Variants in ADGRB1 observed in about 807,000 individuals in gnomAD.
ADGRB1 encodes adhesion G protein-coupled receptor B1.
A neutral mutation model predicts 175.7 loss-of-function variants in ADGRB1; 36 were observed. The observed-to-expected ratio is 0.20, with a 90% CI of 0.16 to 0.27. The LOEUF (loss-of-function observed/expected upper bound fraction) is 0.27. ADGRB1 is among the 10% of genes least tolerant of loss of function. The pLI, the probability that ADGRB1 is intolerant of heterozygous loss-of-function variation, is 1.00. For missense variants in ADGRB1, 1,731 were observed against 2,255.3 expected (o/e 0.77, Z 4.71); for synonymous variants, 1,054 against 979.4 (o/e 1.08, Z -1.42).
At chr8:142,480,850 C>T (rs547935319) in intron 9 of ADGRB1, among the ~76,000 whole-genome samples, 1 of 152,334 alleles carries the variant, frequency 6.6e-6, no homozygotes, top group South Asian at 2.1e-4. Flanking sequence ...CCCCATGTCT[C>T]TGGGCCAGGC....
At position 142,524,806 on chromosome 8, in the gene ADGRB1, G is replaced by GGAGGAAGGCAA. The variant is rs1844077847; in HGVS notation, c.3312+505_3312+515dup. Among the ~76,000 whole-genome samples the GGAGGAAGGCAA allele has an allele frequency of 1.3e-5, 2 of 152,098 alleles. 1 individual carries two copies. Among genetic ancestry groups the GGAGGAAGGCAA allele is most frequent in the South Asian group, 4.1e-4 (2 of 4,826 alleles). On this transcript the variant is annotated intron_variant, in intron 23 of 30. Coordinates refer to ENST00000517894, the MANE Select transcript of ADGRB1 (RefSeq NM_001702.3). ...TCCCGCTCTCCTCCCACCTTAGTGT[G>GGAGGAAGGCAA]GAGGAAGGCAAGACTGTGGCAGGTG...
At chr8:142,539,571 G>T in intron 27 of ADGRB1, 158 bp downstream of exon 27, 2 of 908,756 alleles carry the variant, frequency 2.2e-6, no homozygotes, top group Non-Finnish European at 3.4e-6. Flanking sequence ...TGGACCCAGG[G>T]GACCTGCCCT....
In ADGRB1 at chr8:142,543,332, T is replaced by C. The variant is rs937759400; in HGVS notation, c.4414-71T>C. On this transcript the variant is annotated intron_variant, in intron 28 of 30. Transcript: ENST00000517894. This position sits in a 1 kb window ranked among gnomAD's most constrained non-coding sequence, Gnocchi z 4.4. ...GCGAGTGAGTCCCTGATGCCCTCAG[T>C]CTGAGGCAGGGAGAGGCGTGGACTT... 14 of 1,587,766 alleles carry C rather than the reference T, an allele frequency of 8.8e-6. No homozygotes were observed. Among genetic ancestry groups the C allele is most frequent in the Non-Finnish European group, 1.2e-5 (14 of 1,161,888 alleles).
At chr8:142,460,654 C>T (rs80052749) in intron 1 of ADGRB1, among the ~76,000 whole-genome samples, 12 of 152,280 alleles carry the variant, frequency 7.9e-5, no homozygotes, top group East Asian at 5.8e-4. Context: ...GACAGTCTGC[C>T]GAGGCCCCAG....
At chr8:142,460,462 G>A (rs990602738) in intron 1 of ADGRB1, among the ~76,000 whole-genome samples, 12 of 152,238 alleles carry the variant, frequency 7.9e-5, no homozygotes, top group Admixed American at 2.0e-4. Context: ...AGGCCTGGGC[G>A]GGGAGCAGCT....
chr8:142,458,096 G>A (rs1387990620), intron 1 of ADGRB1, among the ~76,000 whole-genome samples: 1 of 152,186 alleles, frequency 6.6e-6, no homozygotes, highest in East Asian at 1.9e-4. Flanking sequence ...CTGGTGTCTG[G>A]GGATGCCATT....
In ADGRB1 at chr8:142,542,693, G is replaced by GCTGCAGCAGCTGGGTCACCC. The variant is rs753974135; in HGVS notation, c.4413+51_4413+70dup. On this transcript the variant is annotated intron_variant, in intron 28 of 30. Coordinates refer to ENST00000517894, the MANE Select transcript of ADGRB1 (RefSeq NM_001702.3). The surrounding 1 kb of genome is among the most constrained non-coding windows in gnomAD (Gnocchi z 6.3). ...CCACACCCCAGCCAGCGAGGGCAGGGCTGCAGCAGCTGGGTCACCCCTGCT... is the reference window on the plus strand; with the variant it reads ...CCACACCCCAGCCAGCGAGGGCAGGGCTGCAGCAGCTGGGTCACCCCTGCAGCAGCTGGGTCACCCCTGCT... 2.8e-4 allele frequency: 413 copies of GCTGCAGCAGCTGGGTCACCC among 1,482,140 alleles called. 2 individuals are homozygous for GCTGCAGCAGCTGGGTCACCC. The African/African-American group carries it at 5.2e-3, about 19-fold the overall frequency. The allele number at this position is 1,482,140 out of a possible 1,614,324, so 91.8% of individuals were successfully genotyped here.
rs527388589 is a variant in ADGRB1 at position 142,528,215 on chromosome 8, A to G, written c.3398+1588A>G. ...CCCAGGTCAGCTCCCTCGCAGACAC[A>G]CGGAAAGGGGACTGGAAGGCGCAGC... On this transcript the variant is annotated intron_variant, in intron 24 of 30. Transcript: ENST00000517894. Among the ~76,000 whole-genome samples the G allele has an allele frequency of 5.3e-5, 8 of 152,332 alleles. No individual in the cohort carries two copies. The South Asian group carries it at 1.7e-3, about 32-fold the overall frequency.
chr8:142,481,774 G>T, intron 11 of ADGRB1, 63 bp downstream of exon 11: 10 of 1,385,292 alleles, frequency 7.2e-6, no homozygotes, highest in African/African-American at 1.4e-5. Context: ...AGCCCTCCTC[G>T]ACCTTAGAGA....
chr8:142,523,681 C>T (rs1425553605), intron 22 of ADGRB1, among the ~76,000 whole-genome samples: 1 of 150,162 alleles, frequency 6.7e-6, no homozygotes, highest in East Asian at 2.0e-4. Context: ...AGGTAGGCTG[C>T]TCAGGGTAGA....
intron 17 of ADGRB1, among the ~76,000 whole-genome samples, chr8:142,498,056 T>TC (rs1175893113): frequency 1.3e-5 from 2 of 151,974 alleles, no homozygotes; most frequent in Non-Finnish European, 2.9e-5. Context: ...GCCCTCTTAC[T>TC]CCCCCACAGG....
In ADGRB1 at chr8:142,479,437, G is replaced by A; in HGVS notation, c.1676G>A (p.Cys559Tyr). Residue 559 changes from cysteine (C) to tyrosine (Y), a missense_variant, in exon 8 of 31, where the codon TGC becomes TAC. Transcript: ENST00000517894. ...GGGCCCTTCTTCGGGGGAGCAGCCT[G>A]CCAGGGCCCCCAGGATGAGTACCGG... ...CSGPFFGGAA[C>Y]QGPQDEYRQC... The A allele has an allele frequency of 6.5e-7, 1 of 1,549,996 alleles. No individual in the cohort carries two copies.
Position 142,479,493 on chromosome 8 carries a change from G to T in ADGRB1, c.1726+6G>T. On this transcript the variant is annotated splice_donor_region_variant and intron_variant, in intron 8 of 30. Transcript: ENST00000517894. The stretch of plus-strand genomic sequence containing the variant: ...CGGCACCCAGCGGTGTCCCGGTGAG[G>T]CCCCTCCTACCTGGGCTGGGCTCTG... 1 of 1,535,674 alleles carries T rather than the reference G, an allele frequency of 6.5e-7. No individual in the cohort carries two copies. Among genetic ancestry groups the T allele is most frequent in the Non-Finnish European group, 8.7e-7 (1 of 1,147,816 alleles).
At chr8:142,541,184 G>C (rs1012687265) in intron 27 of ADGRB1, among the ~76,000 whole-genome samples, 29 of 152,004 alleles carry the variant, frequency 1.9e-4, no homozygotes, top group African/African-American at 7.0e-4. Context: ...TGTGGAGGGT[G>C]GGCACCCCTC....
At chr8:142,502,551 GT>G (rs1842667637) in intron 17 of ADGRB1, among the ~76,000 whole-genome samples, 2 of 74,380 alleles carry the variant, frequency 2.7e-5, no homozygotes, top group Non-Finnish European at 6.4e-5. Context: ...GGCAGAGGTG[GT>G]GGTGGTGGTG....
chr8:142,489,246 T>C, intron 15 of ADGRB1, 90 bp from the exon 16 acceptor site: 1 of 1,543,972 alleles, frequency 6.5e-7, no homozygotes, highest in East Asian at 2.3e-5. Context: ...TGGCGGCGGG[T>C]ACAGGGGCCC....
intron 2 of ADGRB1, among the ~76,000 whole-genome samples, chr8:142,473,649 A>C (rs1840780841): frequency 1.3e-5 from 2 of 152,240 alleles, no homozygotes; most frequent in South Asian, 4.1e-4. Context: ...AGGCAGCTCA[A>C]CTGCTGTGCA....
chr8:142,524,199 C>T (rs1844036236), intron 22 of ADGRB1, 39 bp from the exon 23 acceptor site: 2 of 1,581,328 alleles, frequency 1.3e-6, no homozygotes, highest in Non-Finnish European at 8.5e-7. Flanking sequence ...GCACGCCCCT[C>T]TGCACACGGG....
In ADGRB1 at chr8:142,453,026, CCGCCCGCCCGCCCGCCCGCT is replaced by C. The variant is rs1000584426; in HGVS notation, c.-220+2926_-220+2945del. Among the ~76,000 whole-genome samples, 294 of 106,660 alleles carry C rather than the reference CCGCCCGCCCGCCCGCCCGCT, an allele frequency of 2.8e-3. 1 individual carries two copies. The highest frequency in any genetic ancestry group is 3.5e-3 in the Non-Finnish European group (203 of 57,774). 70.0% of individuals were successfully genotyped at this position (106,660 alleles called of 152,430 possible). On this transcript the variant is annotated intron_variant, in intron 1 of 30. Transcript: ENST00000517894. ...GGCAGCCCCGGCCGCCACCTCCCTC[CCGCCCGCCCGCCCGCCCGCT>C]CGCTCGCTCGCTCGCCGTCCGCTCC...
Sources: allele counts gnomAD v4.1 joint callset (sites outside exome capture counted in the v4.1 genomes callset), GRCh38; gene constraint gnomAD v4.1.1; non-coding constraint Gnocchi (gnomAD v3.1); transcripts MANE v1.5; gene names NCBI Gene and HGNC (gene_info 2026-07-23, HGNC 2026-07-21).